The following RCC1L variants were observed in gnomAD, a reference collection of about 807,000 sequenced individuals.
RCC1L encodes RCC1 like.
Under a neutral mutation model 58.6 loss-of-function variants are expected in RCC1L, and 46 were observed. That is an observed-to-expected ratio of 0.79 (90% CI 0.62 to 1.00). RCC1L has a LOEUF of 1.00. RCC1L is among the 50% of genes least tolerant of loss of function. The probability of loss-of-function intolerance (pLI) is 0.00; values close to 1 mark genes in which losing one functional copy is unlikely to be tolerated. For synonymous variants in RCC1L, 281 were observed against 262.9 expected (o/e 1.07, Z -0.67); for missense variants, 636 against 623.6 (o/e 1.02, Z -0.21).
intron 6 of RCC1L, among the ~76,000 whole-genome samples, chr7:75,060,082 A>G (rs1239756120): frequency 6.6e-6 from 1 of 152,134 alleles, no homozygotes; most frequent in Non-Finnish European, 1.5e-5. Flanking sequence ...TACTGTCTCC[A>G]TAGTTTGTCT....
intron 10 of RCC1L, among the ~76,000 whole-genome samples, chr7:75,047,733 C>T (rs1345519202): frequency 1.3e-5 from 2 of 151,336 alleles, no homozygotes; most frequent in African/African-American, 2.4e-5. Context: ...CTGCAACCTC[C>T]GCCTCCTAGG....
At chr7:75,027,152 T>C (rs1348438938) in exon 11 of RCC1L, 1 of 152,218 alleles carries the variant, frequency 6.6e-6, no homozygotes, top group Non-Finnish European at 1.5e-5. Flanking sequence ...TTCAAGTATA[T>C]AGGCAATACG....
chr7:75,073,697 C>A lies in RCC1L; in HGVS notation c.41G>T (p.Arg14Leu), dbSNP rs1563082526. Residue 14 changes from arginine to leucine, a missense_variant, in exon 1 of 11, where the codon CGG becomes CTG. Coordinates refer to ENST00000610322, the MANE Select transcript of RCC1L (RefSeq NM_030798.5). Reference sequence around the variant, plus strand: ...CCCCAGCCCCGGCCCGCTCAGCCGCCGCCCCAGCCGAGCCCCAGCCACCAA... The same window carrying A: ...CCCCAGCCCCGGCCCGCTCAGCCGCAGCCCCAGCCGAGCCCCAGCCACCAA... ...VALVAGARLG[R>L]RLSGPGLGRG... The A allele has an allele frequency of 6.6e-7, 1 of 1,508,720 alleles. No homozygotes were observed. The highest frequency in any genetic ancestry group is 8.8e-7 in the Non-Finnish European group (1 of 1,135,434). The allele number at this position is 1,508,720 out of a possible 1,614,324, so 93.5% of individuals were successfully genotyped here. A position where few individuals can be genotyped will look rare whatever the true frequency, so the allele number is the denominator to read the frequency against.
chr7:75,044,599 G>GAAAAA (rs1169350324), intron 10 of RCC1L, among the ~76,000 whole-genome samples: 3 of 40,664 alleles, frequency 7.4e-5, no homozygotes, highest in African/African-American at 3.3e-4. Context: ...ACTCTGTCTC[G>GAAAAA]AAAAAAAAAA....
chr7:75,067,957 G>T (rs782243237), intron 2 of RCC1L, among the ~76,000 whole-genome samples: 16 of 152,084 alleles, frequency 1.1e-4, no homozygotes, highest in Non-Finnish European at 1.8e-4. Context: ...GCCTGAAGCT[G>T]GTGATGCCAC....
chr7:75,073,406 G>A lies in RCC1L; in HGVS notation c.324+8C>T. On this transcript the variant is annotated splice_region_variant and intron_variant, in intron 1 of 10. Transcript: ENST00000610322. ...AGAAGGAGAGAAGGAGGAAGCCGCG[G>A]CCTGCACCTTTTGGTCCAGCTCCAG... 1 of 1,176,568 alleles carries A rather than the reference G, an allele frequency of 8.5e-7. No individual in the cohort carries two copies. Among genetic ancestry groups the A allele is most frequent in the Non-Finnish European group, 1.1e-6 (1 of 901,068 alleles). The allele number at this position is 1,176,568 out of a possible 1,614,324, so 72.9% of individuals were successfully genotyped here. A position where few individuals can be genotyped will look rare whatever the true frequency, so the allele number is the denominator to read the frequency against.
intron 2 of RCC1L, among the ~76,000 whole-genome samples, chr7:75,068,166 A>G (rs1478211304): frequency 6.6e-6 from 1 of 151,038 alleles, no homozygotes; most frequent in Non-Finnish European, 1.5e-5. Context: ...CTAAAAATAC[A>G]AAATTAGCCA....
chr7:75,039,103 G>A (rs1395595304), downstream of RCC1L, among the ~76,000 whole-genome samples: 3 of 152,246 alleles, frequency 2.0e-5, no homozygotes, highest in Non-Finnish European at 4.4e-5. Context: ...GACCCCCGAA[G>A]TGCTGGGATT....
intron 2 of RCC1L, 138 bp downstream of exon 2, chr7:75,070,502 T>C (rs1434867972): frequency 6.0e-5 from 68 of 1,136,198 alleles, no homozygotes; most frequent in Non-Finnish European, 7.3e-5. Context: ...ACCCGGGAGG[T>C]GGAGGTTGCA....
intron 10 of RCC1L, among the ~76,000 whole-genome samples, chr7:75,046,822 G>A (rs894052097): frequency 6.6e-6 from 1 of 152,178 alleles, no homozygotes; most frequent in African/African-American, 2.4e-5. Flanking sequence ...TTGCTAAAAC[G>A]AACGCCCACC....
chr7:75,059,467 C>T (rs1011257681), intron 6 of RCC1L, among the ~76,000 whole-genome samples: 2 of 151,954 alleles, frequency 1.3e-5, no homozygotes, highest in African/African-American at 2.4e-5. Flanking sequence ...GATGCGGTTT[C>T]GTCATGTTGG....
chr7:75,037,612 C>A (rs1048332647), downstream of RCC1L, among the ~76,000 whole-genome samples: 1 of 151,344 alleles, frequency 6.6e-6, no homozygotes, highest in Non-Finnish European at 1.5e-5. Context: ...TCCAGCAATT[C>A]TCCTGCCTCA....
Position 75,055,981 on chromosome 7 carries a change from A to G in RCC1L, c.1151T>C (p.Leu384Pro), listed in dbSNP as rs1554443871. 6.2e-7 allele frequency: 1 copy of G among 1,613,964 alleles called. No homozygotes were observed. The highest frequency in any genetic ancestry group is 8.5e-7 in the Non-Finnish European group (1 of 1,179,858). The change falls in exon 9 of 11, where the codon CTC (leucine) becomes CCC (proline). Residue 384 changes from leucine to proline, a missense_variant. By Grantham distance (98) the Leu-to-Pro change is moderately conservative. Transcript: ENST00000610322. ...TGGGTTGAACTCCGTCAAGCCAAAG[A>G]GAGTGGGTGGAATCATTTCAGGGAC... is the stretch of plus-strand genomic sequence containing the variant. ...SAVPEMIPPT[L>P]FGLTEFNPEI...
chr7:75,046,008 C>T (rs1805709012), intron 10 of RCC1L, among the ~76,000 whole-genome samples: 1 of 152,222 alleles, frequency 6.6e-6, no homozygotes, highest in African/African-American at 2.4e-5. Flanking sequence ...GTTTACCGAG[C>T]TTAAGAGGGA....
At chr7:75,038,283 G>C (rs944634184), downstream of RCC1L, among the ~76,000 whole-genome samples, 1 of 152,106 alleles carries the variant, frequency 6.6e-6, no homozygotes, top group Non-Finnish European at 1.5e-5. Context: ...ACAGAGTCTC[G>C]CTCTGTCACC....
In RCC1L at chr7:75,042,480, C is replaced by T. The variant is rs1374030833; in HGVS notation, c.*552G>A. The T allele has an allele frequency of 3.0e-6, 3 of 989,320 alleles. No individual in the cohort carries two copies. Among genetic ancestry groups the T allele is most frequent in the Middle Eastern group, 5.2e-4 (1 of 1,914 alleles). 61.3% of individuals were successfully genotyped at this position (989,320 alleles called of 1,614,324 possible). On this transcript the variant is annotated 3_prime_UTR_variant, in exon 11 of 11. Coordinates refer to ENST00000610322, the MANE Select transcript of RCC1L (RefSeq NM_030798.5). ...CAGCTCCAGATGGAATCCCAGGCCA[C>T]GGTGCTTCTAGTGTCCCCCCAGCGA...
intron 10 of RCC1L, among the ~76,000 whole-genome samples, chr7:75,046,282 G>A (rs1237356380): frequency 2.0e-5 from 3 of 152,238 alleles, no homozygotes; most frequent in African/African-American, 7.2e-5. Flanking sequence ...GAAAGCCTGA[G>A]AGGCTGGCCG....
chr7:75,057,912 C>G, intron 7 of RCC1L: 1 of 396,312 alleles, frequency 2.5e-6, no homozygotes, highest in South Asian at 2.1e-5. Flanking sequence ...AATCCTAGCA[C>G]TCTGGGAGGC....
rs1224148750 is a variant in RCC1L, at chr7:75,028,224, G to A, written c.1318-145C>T. 52 of 756,814 alleles carry A rather than the reference G, an allele frequency of 6.9e-5. No individual in the cohort carries two copies. In the Admixed American group the frequency reaches 1.1e-3, roughly 16 times the overall value. 46.9% of individuals were successfully genotyped at this position (756,814 alleles called of 1,614,324 possible). On this transcript the variant is annotated intron_variant, in intron 10 of 10. Coordinates refer to the RCC1L transcript ENST00000614461. ...CAACCTCCACTTCCTGGGTTCAAGC[G>A]AGTCTCCTACATTGGCCTCCCAAGT...
Sources: allele counts gnomAD v4.1 joint callset (sites outside exome capture counted in the v4.1 genomes callset), GRCh38; gene constraint gnomAD v4.1.1; transcripts MANE v1.5; gene names NCBI Gene and HGNC (gene_info 2026-07-23, HGNC 2026-07-21).